Variants in CLGN observed in about 807,000 individuals in gnomAD.
The protein encoded by CLGN is testis tissue sperm-binding protein Li 79P.
CLGN carries 62 observed loss-of-function variants against 79.1 expected under a neutral mutation model. The observed-to-expected ratio is 0.78, with a 90% CI of 0.64 to 0.97. CLGN has a LOEUF of 0.97. CLGN is among the 50% of genes least tolerant of loss of function. The probability of loss-of-function intolerance (pLI) is 0.00; values close to 1 mark genes in which losing one functional copy is unlikely to be tolerated. For synonymous variants in CLGN, 225 were observed against 224.7 expected (o/e 1.00, Z -0.01); for missense variants, 647 against 715.5 (o/e 0.90, Z 1.09).
intron 1 of CLGN, among the ~76,000 whole-genome samples, chr4:140,420,554 TA>T (rs397878452): frequency 0.013 from 2,009 of 150,824 alleles, 30 homozygotes; most frequent in Admixed American, 0.047. Flanking sequence ...TTCTTTTTTT[TA>T]AAAAAAAAAA....
chr4:140,414,797 C>T (rs1047337139), intron 1 of CLGN, among the ~76,000 whole-genome samples: 2,787 of 150,112 alleles, frequency 0.019, 198 homozygotes, highest in African/African-American at 0.066. Context: ...CCCAGGAGAA[C>T]TTCCCCAATC....
At chr4:140,413,524 C>T (rs1294438550) in intron 1 of CLGN, among the ~76,000 whole-genome samples, 4 of 152,300 alleles carry the variant, frequency 2.6e-5, no homozygotes, top group Non-Finnish European at 5.9e-5. Context: ...CGAAGCAGGG[C>T]GAGGCATTGC....
chr4:140,394,110 G>T, intron 10 of CLGN, 69 bp from the exon 11 acceptor site: 1 of 1,100,320 alleles, frequency 9.1e-7, no homozygotes, highest in Non-Finnish European at 1.3e-6. Context: ...TTAATAAGTA[G>T]CTGCTGTTGA....
Position 140,406,071 on chromosome 4 carries a change from A to G in CLGN, c.290T>C (p.Ile97Thr). ...TACCTGGTTTTCTTTCAACTCTTCA[A>G]TTTCCCATCTTCCTAAAAAATAAAG... is the stretch of plus-strand genomic sequence containing the variant. Reference protein sequence around the residue: ...EISIYDGRWEIEELKENQVPG... With the variant: ...EISIYDGRWETEELKENQVPG... The change falls in exon 5 of 15, where the codon ATT (isoleucine) becomes ACT (threonine). Residue 97 changes from isoleucine (I) to threonine (T), a missense_variant. Coordinates refer to ENST00000325617, the MANE Select transcript of CLGN (RefSeq NM_004362.3). 6.2e-7 allele frequency: 1 copy of G among 1,611,512 alleles called. No homozygotes were observed. The highest frequency in any genetic ancestry group is 8.5e-7 in the Non-Finnish European group (1 of 1,179,262).
At chr4:140,418,451 C>T (rs1274348826) in intron 1 of CLGN, among the ~76,000 whole-genome samples, 4 of 147,570 alleles carry the variant, frequency 2.7e-5, no homozygotes, top group Admixed American at 1.3e-4. Flanking sequence ...ACAACCTACT[C>T]ATCTGACAAA....
intron 8 of CLGN, among the ~76,000 whole-genome samples, chr4:140,397,745 A>T (rs2126618059): frequency 6.6e-6 from 1 of 152,194 alleles, no homozygotes; most frequent in East Asian, 1.9e-4. Context: ...CTCTACTAAA[A>T]ATACAAAAAT....
chr4:140,404,454 CAT>C (rs1436335728), intron 5 of CLGN, among the ~76,000 whole-genome samples: 1 of 152,072 alleles, frequency 6.6e-6, no homozygotes. Context: ...TATATATTAA[CAT>C]GTATACAATT....
chr4:140,413,900 G>A (rs1261853173), intron 1 of CLGN, among the ~76,000 whole-genome samples: 1 of 152,224 alleles, frequency 6.6e-6, no homozygotes, highest in Non-Finnish European at 1.5e-5. Context: ...CACCTCTGGG[G>A]GCAGGGCACA....
chr4:140,390,300 T>C (rs571841776), intron 14 of CLGN, among the ~76,000 whole-genome samples: 2 of 151,912 alleles, frequency 1.3e-5, no homozygotes, highest in African/African-American at 4.8e-5. Flanking sequence ...ATAATGATAA[T>C]TATCTTTTAA....
At position 140,406,126 on chromosome 4, in the gene CLGN, T is replaced by C. The variant is rs78138878; in HGVS notation, c.278-43A>G. On this transcript the variant is annotated intron_variant, in intron 4 of 14. Coordinates refer to ENST00000325617, the MANE Select transcript of CLGN (RefSeq NM_004362.3). ...GCAAATTAAACTAAAACAGAAAACA[T>C]TGACCTAAGAATTATTTATCAGCAG... 1,973 of 1,578,760 alleles carry C rather than the reference T, an allele frequency of 1.2e-3. 23 individuals carry two copies. The highest frequency in any genetic ancestry group is 0.011 in the African/African-American group (836 of 73,746).
At chr4:140,391,545 C>G in intron 13 of CLGN, among the ~76,000 whole-genome samples, 1 of 151,928 alleles carries the variant, frequency 6.6e-6, no homozygotes, top group East Asian at 1.9e-4. Flanking sequence ...TAGATAGACA[C>G]ATATGTGTTT....
intron 4 of CLGN, among the ~76,000 whole-genome samples, chr4:140,407,699 G>A (rs1729134692): frequency 6.6e-6 from 1 of 151,582 alleles, no homozygotes; most frequent in South Asian, 2.1e-4. Flanking sequence ...ACAAACAAAT[G>A]GAAACACATC....
At chr4:140,421,114 T>C (rs971669299) in intron 1 of CLGN, among the ~76,000 whole-genome samples, 4 of 152,148 alleles carry the variant, frequency 2.6e-5, no homozygotes. Context: ...TTCATCCATG[T>C]TGTAGCATGT....
chr4:140,415,618 T>C (rs969112264), intron 1 of CLGN, among the ~76,000 whole-genome samples: 7 of 150,354 alleles, frequency 4.7e-5, no homozygotes, highest in African/African-American at 1.2e-4. Context: ...CATTACATAA[T>C]GGTAAAGGGA....
chr4:140,410,681 T>C, intron 2 of CLGN, 55 bp from the exon 3 acceptor site: 7 of 1,083,988 alleles, frequency 6.5e-6, no homozygotes, highest in Non-Finnish European at 9.8e-6. Flanking sequence ...ATATTTCAAT[T>C]AAATAATCTT....
chr4:140,391,891 C>T (rs7656895), intron 13 of CLGN, among the ~76,000 whole-genome samples: 4,383 of 151,872 alleles, frequency 0.029, 102 homozygotes, highest in Non-Finnish European at 0.041. Context: ...ATGATATACA[C>T]CCTCTATCAC....
chr4:140,420,240 A>C (rs1267206765), intron 1 of CLGN, among the ~76,000 whole-genome samples: 1 of 152,168 alleles, frequency 6.6e-6, no homozygotes, highest in Non-Finnish European at 1.5e-5. Flanking sequence ...CCCTTAACTC[A>C]ACCAGAGCAC....
intron 1 of CLGN, among the ~76,000 whole-genome samples, chr4:140,413,570 T>C (rs1474751410): frequency 6.6e-6 from 1 of 152,222 alleles, no homozygotes; most frequent in Non-Finnish European, 1.5e-5. Context: ...GGGAGTTCCC[T>C]TTCCGAGTCA....
intron 5 of CLGN, among the ~76,000 whole-genome samples, chr4:140,403,949 G>T (rs1041260761): frequency 2.0e-5 from 3 of 152,158 alleles, no homozygotes; most frequent in Admixed American, 6.5e-5. Flanking sequence ...AGCAATTACT[G>T]TTAGGTGGGA....
Sources: gnomAD v4.1 joint callset for allele counts (sites outside exome capture counted in the v4.1 genomes callset) on GRCh38, gnomAD v4.1.1 for gene constraint, MANE v1.5 for transcripts, NCBI Gene and HGNC (gene_info 2026-07-23, HGNC 2026-07-21) for gene names.